BRINP1: variants seen among roughly 807,000 people sequenced by gnomAD.
BRINP1 encodes the protein BMP/retinoic acid-inducible neural-specific protein 1.
Under a neutral mutation model 72.9 loss-of-function variants are expected in BRINP1, and 17 were observed. The ratio of observed to expected loss-of-function variants is 0.23; its 90% confidence interval spans 0.16 to 0.35. The LOEUF is 0.35. BRINP1 is among the 10% of genes least tolerant of loss of function. The probability of loss-of-function intolerance (pLI) is 1.00; values close to 1 mark genes in which losing one functional copy is unlikely to be tolerated. For missense variants in BRINP1, 850 were observed against 1,001.6 expected (o/e 0.85, Z 2.04); for synonymous variants, 418 against 378.5 (o/e 1.10, Z -1.21).
At chr9:119,282,049 T>C (rs1297249603) in intron 2 of BRINP1, among the ~76,000 whole-genome samples, 2 of 152,234 alleles carry the variant, frequency 1.3e-5, no homozygotes, top group Non-Finnish European at 1.5e-5. Context: ...TCATAGCTCA[T>C]AGGCATCTTG....
intron 2 of BRINP1, among the ~76,000 whole-genome samples, chr9:119,264,885 C>T (rs1385735295): frequency 6.6e-6 from 1 of 152,190 alleles, no homozygotes; most frequent in Non-Finnish European, 1.5e-5. Context: ...CTTGGCCAGG[C>T]TGGTCTTGAA....
chr9:119,303,609 T>C (rs936892283), intron 2 of BRINP1, among the ~76,000 whole-genome samples: 1 of 152,150 alleles, frequency 6.6e-6, no homozygotes, highest in Admixed American at 6.5e-5. Flanking sequence ...CCTCAGGGCA[T>C]CAAAAATCTT....
At chr9:119,215,883 G>A (rs987912177) in intron 5 of BRINP1, among the ~76,000 whole-genome samples, 2 of 152,058 alleles carry the variant, frequency 1.3e-5, no homozygotes, top group East Asian at 3.9e-4. Flanking sequence ...AAAAACCTGG[G>A]CAGGGCTGCA....
intron 2 of BRINP1, among the ~76,000 whole-genome samples, chr9:119,300,568 G>A (rs1326220293): frequency 1.3e-5 from 2 of 152,166 alleles, no homozygotes; most frequent in Admixed American, 6.5e-5. Flanking sequence ...GTGTCCCACA[G>A]TGTCAGTCTC....
chr9:119,225,560 GTATTAT>G (rs773024023), intron 5 of BRINP1, among the ~76,000 whole-genome samples: 1 of 151,822 alleles, frequency 6.6e-6, no homozygotes, highest in East Asian at 1.9e-4. Flanking sequence ...TTTTATTGTT[GTATTAT>G]TATTATTAAT....
Position 119,213,256 on chromosome 9 carries a change from G to T in BRINP1, c.922+663C>A, listed in dbSNP as rs370182083. On this transcript the variant is annotated intron_variant, in intron 6 of 7. Transcript: ENST00000265922. ...TTGACATTTCCTAATCATTGGCATG[G>T]TTACATAATTAATGCCTGGCTTTCC... Among the ~76,000 whole-genome samples the T allele has an allele frequency of 3.3e-5, 5 of 152,240 alleles. No homozygotes were observed. The East Asian group carries it at 5.8e-4, about 18-fold the overall frequency.
chr9:119,322,359 G>A (rs1831197682), intron 1 of BRINP1, among the ~76,000 whole-genome samples: 1 of 152,202 alleles, frequency 6.6e-6, no homozygotes, highest in Non-Finnish European at 1.5e-5. Context: ...GTGAGCACGT[G>A]GGGCCCTTGG....
intron 5 of BRINP1, among the ~76,000 whole-genome samples, chr9:119,236,746 T>A (rs1830195207): frequency 6.6e-6 from 1 of 152,214 alleles, no homozygotes; most frequent in Non-Finnish European, 1.5e-5. Flanking sequence ...GTCTTTCTTA[T>A]CTACTTTCTT....
At chr9:119,198,372 C>G (rs563990419) in intron 7 of BRINP1, among the ~76,000 whole-genome samples, 1 of 152,292 alleles carries the variant, frequency 6.6e-6, no homozygotes, top group Non-Finnish European at 1.5e-5. Context: ...AGGCTGGCTA[C>G]TATTTTTCTC....
intron 1 of BRINP1, among the ~76,000 whole-genome samples, chr9:119,365,448 A>C (rs1267454300): frequency 1.3e-5 from 2 of 152,198 alleles, no homozygotes; most frequent in African/African-American, 4.8e-5. Context: ...TATTTCAGCA[A>C]GGGAAAAGCA....
chr9:119,313,243 A>G lies in BRINP1; in HGVS notation c.113T>C (p.Phe38Ser). Residue 38 changes from phenylalanine (F) to serine (S), a missense_variant, in exon 2 of 8, where the codon TTT (phenylalanine) becomes TCT (serine). Phe to Ser is a radical substitution (Grantham distance 155, BLOSUM62 -2). Transcript: ENST00000265922. ...AGTDQHVSKE[F>S]DWLISDRGPF... ...CCCCCTGTCTGAAATGAGCCAATCA[A>G]ATTCCTTGGAGACATGTTGGTCTGT... 1 of 1,614,152 alleles carries G rather than the reference A, an allele frequency of 6.2e-7. No individual in the cohort carries two copies. Among genetic ancestry groups the G allele is most frequent in the Non-Finnish European group, 8.5e-7 (1 of 1,180,028 alleles).
chr9:119,320,841 A>G (rs1023555933), intron 1 of BRINP1, among the ~76,000 whole-genome samples: 1 of 152,212 alleles, frequency 6.6e-6, no homozygotes, highest in Non-Finnish European at 1.5e-5. Context: ...TCACACATTA[A>G]GTGGACACTT....
intron 1 of BRINP1, among the ~76,000 whole-genome samples, chr9:119,364,852 T>C (rs1308699699): frequency 6.6e-6 from 1 of 152,260 alleles, no homozygotes; most frequent in Non-Finnish European, 1.5e-5. Flanking sequence ...TATATTATCA[T>C]TGGAATCCCC....
At chr9:119,211,520 G>A (rs1201205845) in intron 6 of BRINP1, among the ~76,000 whole-genome samples, 1 of 151,930 alleles carries the variant, frequency 6.6e-6, no homozygotes, top group Non-Finnish European at 1.5e-5. Context: ...AAAAGTAGAA[G>A]TACTACAACG....
chr9:119,172,623 T>G (rs1829429209), intron 7 of BRINP1, among the ~76,000 whole-genome samples: 1 of 151,374 alleles, frequency 6.6e-6, no homozygotes. Context: ...CCTCCCTAAC[T>G]CATTTTATGA....
intron 6 of BRINP1, among the ~76,000 whole-genome samples, chr9:119,209,892 G>C (rs1829904589): frequency 6.6e-6 from 1 of 152,196 alleles, no homozygotes; most frequent in Non-Finnish European, 1.5e-5. Context: ...GAAGTTGTAT[G>C]GGTGTCCCAT....
At chr9:119,293,297 T>C (rs1830840797) in intron 2 of BRINP1, among the ~76,000 whole-genome samples, 4 of 152,146 alleles carry the variant, frequency 2.6e-5, no homozygotes, top group Non-Finnish European at 5.9e-5. Flanking sequence ...CTTTTTTTTT[T>C]CTGCAAGCTA....
At chr9:119,256,898 C>A (rs1300511851) in intron 2 of BRINP1, among the ~76,000 whole-genome samples, 2 of 152,118 alleles carry the variant, frequency 1.3e-5, no homozygotes, top group Non-Finnish European at 2.9e-5. Context: ...TGTTCGCTTA[C>A]ATGAATCTGA....
In BRINP1 at chr9:119,167,330, G is replaced by A; in HGVS notation, c.2040C>T (p.Tyr680=). 1 of 1,614,182 alleles carries A rather than the reference G, an allele frequency of 6.2e-7. No homozygotes were observed. Among genetic ancestry groups the A allele is most frequent in the South Asian group, 1.1e-5 (1 of 91,080 alleles). ...RSAVQQVNQS[Y]TQGGQFYSSS... is the part of the protein sequence containing the mutation. ...AGGAATAGAACTGGCCGCCCTGTGT[G>A]TAGGACTGGTTGACCTGCTGCACTG... Residue 680 remains tyrosine (Y), a synonymous_variant, in exon 8 of 8, where the codon TAC becomes TAT. Coordinates refer to ENST00000265922, the MANE Select transcript of BRINP1 (RefSeq NM_014618.3). This position sits in a 1 kb window ranked among gnomAD's most constrained non-coding sequence, Gnocchi z 4.3.
Sources: gnomAD v4.1 joint callset for allele counts (sites outside exome capture counted in the v4.1 genomes callset) on GRCh38, gnomAD v4.1.1 for gene constraint, Gnocchi (gnomAD v3.1) non-coding constraint, MANE v1.5 for transcripts, NCBI Gene and HGNC (gene_info 2026-07-23, HGNC 2026-07-21) for gene names.